MRTFB: variants seen among roughly 807,000 people sequenced by gnomAD.
MRTFB encodes myocardin-related transcription factor B.
In MRTFB, 29 loss-of-function variants were observed where a neutral mutation model predicts 104.2. The observed-to-expected ratio is 0.28, with a 90% CI of 0.21 to 0.38. The LOEUF is 0.38. Among genes scored for constraint, MRTFB ranks in the 10% least tolerant of loss-of-function variants. MRTFB has a pLI of 1.00. For synonymous variants in MRTFB, 535 were observed against 519.5 expected, an observed-to-expected ratio of 1.03 and a Z score of -0.41; for missense variants, 1,270 against 1,341.6, an observed-to-expected ratio of 0.95 and a Z score of 0.83.
chr16:14,084,122 C>T (rs181431217), intron 2 of MRTFB, among the ~76,000 whole-genome samples: 6 of 152,244 alleles, frequency 3.9e-5, no homozygotes, highest in African/African-American at 9.6e-5. Flanking sequence ...CTATTGCCTT[C>T]GTTAACTCAT....
intron 3 of MRTFB, among the ~76,000 whole-genome samples, chr16:14,193,004 G>A (rs781604434): frequency 6.6e-6 from 1 of 151,726 alleles, no homozygotes; most frequent in African/African-American, 2.4e-5. Flanking sequence ...GTATCATCAC[G>A]GCCAACAGCC....
chr16:14,125,059 A>G (rs2037042611), intron 2 of MRTFB, among the ~76,000 whole-genome samples: 1 of 152,112 alleles, frequency 6.6e-6, no homozygotes, highest in Admixed American at 6.5e-5. Flanking sequence ...TCAAATAAAG[A>G]CCCCACTGGA....
intron 9 of MRTFB, among the ~76,000 whole-genome samples, chr16:14,234,996 G>A (rs770730659): frequency 4.6e-5 from 7 of 152,136 alleles, no homozygotes; most frequent in Non-Finnish European, 7.4e-5. Context: ...ACTAAAAAAG[G>A]ATATTACAGT....
chr16:14,191,212 G>T (rs1023227158), intron 3 of MRTFB, among the ~76,000 whole-genome samples: 1 of 152,142 alleles, frequency 6.6e-6, no homozygotes, highest in African/African-American at 2.4e-5. Context: ...CAGCTCCTCA[G>T]TCACATTAGC....
intron 3 of MRTFB, among the ~76,000 whole-genome samples, chr16:14,180,103 T>C (rs920760707): frequency 5.9e-5 from 9 of 152,174 alleles, no homozygotes; most frequent in African/African-American, 2.2e-4. Context: ...AAGAACATTC[T>C]AATAAGAGTA....
intron 8 of MRTFB, among the ~76,000 whole-genome samples, chr16:14,220,432 A>T (rs999984429): frequency 6.6e-6 from 1 of 152,232 alleles, no homozygotes; most frequent in Non-Finnish European, 1.5e-5. Flanking sequence ...TTTAAATTCC[A>T]TGATCATTTC....
At chr16:14,069,522 G>A (rs2033573715), upstream of MRTFB, among the ~76,000 whole-genome samples, 1 of 152,174 alleles carries the variant, frequency 6.6e-6, no homozygotes, top group African/African-American at 2.4e-5. Context: ...GTCTCACTCT[G>A]TTGTCCAGAC....
At chr16:14,045,789 C>T in the MRTFB span, among the ~76,000 whole-genome samples, 346 of 152,278 alleles carry the variant, frequency 2.3e-3, 1 homozygote, top group African/African-American at 7.8e-3. Context: ...TCAGGGCATA[C>T]GTTTGGATGC....
rs1415322861 is a variant in MRTFB, at chr16:14,097,079, CTTTAG to C, written c.-64+17728_-64+17732del. Reference sequence around the variant, plus strand: ...CCTGTAGCCTATTTCCACTGATTTTCTTTAGTTGTGTTATTTAAATGCAATGATTA... The same window carrying C: ...CCTGTAGCCTATTTCCACTGATTTTCTTGTGTTATTTAAATGCAATGATTA... On this transcript the variant is annotated intron_variant, in intron 2 of 16. Transcript: ENST00000571589. Among the ~76,000 whole-genome samples the C allele has an allele frequency of 3.9e-5, 6 of 152,258 alleles. No individual in the cohort carries two copies. In the East Asian group the frequency reaches 1.2e-3, roughly 29 times the overall value.
intron 2 of MRTFB, among the ~76,000 whole-genome samples, chr16:14,118,164 T>C (rs1483622735): frequency 6.9e-6 from 1 of 145,356 alleles, no homozygotes; most frequent in Non-Finnish European, 1.5e-5. Flanking sequence ...TGAGACAGGG[T>C]CTCATTCTGT....
intron 3 of MRTFB, among the ~76,000 whole-genome samples, chr16:14,190,963 A>T (rs1381534112): frequency 6.6e-6 from 1 of 152,250 alleles, no homozygotes; most frequent in African/African-American, 2.4e-5. Context: ...AATGCAGTAA[A>T]TTAACATACT....
At chr16:14,137,863 C>T (rs1024972483) in intron 2 of MRTFB, among the ~76,000 whole-genome samples, 4 of 151,994 alleles carry the variant, frequency 2.6e-5, no homozygotes, top group South Asian at 2.1e-4. Flanking sequence ...TTAATTAGAG[C>T]GTTGAGACCA....
chr16:14,227,285 CA>C (rs869108766), intron 8 of MRTFB, among the ~76,000 whole-genome samples: 3,983 of 145,244 alleles, frequency 0.027, 194 homozygotes, highest in African/African-American at 0.1. Flanking sequence ...GTTAAAAAAA[CA>C]AAAACAAAAC....
At chr16:14,089,331 G>A (rs1262427106) in intron 2 of MRTFB, among the ~76,000 whole-genome samples, 2 of 152,208 alleles carry the variant, frequency 1.3e-5, no homozygotes, top group East Asian at 1.9e-4. Flanking sequence ...CTCACCTCTA[G>A]AAGCCACTCA....
At chr16:14,106,767 T>C (rs1406295410) in intron 2 of MRTFB, among the ~76,000 whole-genome samples, 1 of 152,220 alleles carries the variant, frequency 6.6e-6, no homozygotes, top group Non-Finnish European at 1.5e-5. Context: ...TAGTACCCTA[T>C]TGAATACCTA....
the MRTFB span, among the ~76,000 whole-genome samples, chr16:14,025,578 A>C: frequency 6.6e-6 from 1 of 152,198 alleles, no homozygotes; most frequent in East Asian, 1.9e-4. Context: ...GTCCTAGGTC[A>C]TCGTGCTCCT....
Position 14,245,563 on chromosome 16 carries a change from C to A in MRTFB, c.1115C>A (p.Ser372Ter). The change falls in exon 11 of 17, where the codon TCA becomes TAA. Residue 372 changes from serine to a stop codon, truncating the protein, a stop_gained. Transcript: ENST00000571589. LOFTEE classifies it high-confidence loss of function. ...GACAAAAATAGTAACAGTGGGAATT[C>A]AGCTTTGAACAATGCCACACCTAAC... ...LNDKNSNSGN[S>*]ALNNATPNTP... 6.2e-7 allele frequency: 1 copy of A among 1,613,166 alleles called. No individual in the cohort carries two copies. The highest frequency in any genetic ancestry group is 1.1e-5 in the South Asian group (1 of 90,746).
At chr16:14,072,919 G>T (rs2033807053) in intron 1 of MRTFB, among the ~76,000 whole-genome samples, 2 of 152,094 alleles carry the variant, frequency 1.3e-5, no homozygotes, top group Admixed American at 1.3e-4. Flanking sequence ...GACAATACTG[G>T]CTTCCTAACA....
intron 6 of MRTFB, among the ~76,000 whole-genome samples, chr16:14,216,079 A>T (rs77847229): frequency 0.037 from 5,581 of 152,338 alleles, 348 homozygotes; most frequent in African/African-American, 0.13. Flanking sequence ...CACAACAGAT[A>T]TGAATCATTT....
Sources: gnomAD v4.1 joint callset for allele counts (sites outside exome capture counted in the v4.1 genomes callset) on GRCh38, gnomAD v4.1.1 for gene constraint, MANE v1.5 for transcripts, NCBI Gene and HGNC (gene_info 2026-07-23, HGNC 2026-07-21) for gene names.